The following LARP1B variants were observed in gnomAD, a reference collection of about 807,000 sequenced individuals.
LARP1B encodes La ribonucleoprotein 1B.
LARP1B carries 76 observed loss-of-function variants against 114.2 expected under a neutral mutation model. The observed-to-expected ratio is 0.67, with a 90% confidence interval of 0.55 to 0.81. The LOEUF is 0.81. Ranked by LOEUF, LARP1B falls within the 30% of genes least tolerant of loss-of-function variation. The pLI is 0.00. For missense variants in LARP1B, 1,014 were observed against 1,075.8 expected, an observed-to-expected ratio of 0.94 and a Z score of 0.80; for synonymous variants, 345 against 348.0, an observed-to-expected ratio of 0.99 and a Z score of 0.10.
At chr4:128,206,740 C>T (rs1306221602) in intron 18 of LARP1B, 2 of 985,096 alleles carry the variant, frequency 2.0e-6, no homozygotes, top group South Asian at 4.7e-5. Context: ...TAACTACTCT[C>T]AAGTCTTTCT....
chr4:128,149,637 T>C (rs1377598061), intron 11 of LARP1B, among the ~76,000 whole-genome samples: 1 of 152,152 alleles, frequency 6.6e-6, no homozygotes, highest in African/African-American at 2.4e-5. Context: ...AAGATCAGAT[T>C]TGGAAATGTT....
At chr4:128,061,532 G>A (rs2149228034) in intron 1 of LARP1B, 131 bp downstream of exon 1, 2 of 286,894 alleles carry the variant, frequency 7.0e-6, no homozygotes, top group Non-Finnish European at 1.0e-5. Flanking sequence ...CACGCCGGGC[G>A]CTGCGCGGCC....
chr4:128,155,337 A>G (rs1307327506), intron 11 of LARP1B: 2 of 530,726 alleles, frequency 3.8e-6, no homozygotes, highest in African/African-American at 3.8e-5. Context: ...AAATCTGGAA[A>G]GAGAGTCGGA....
chr4:128,080,038 C>T (rs1769670794), intron 4 of LARP1B, among the ~76,000 whole-genome samples: 1 of 150,062 alleles, frequency 6.7e-6, no homozygotes, highest in South Asian at 2.1e-4. Flanking sequence ...CGCTGGAGTG[C>T]AATGGCGCGA....
intron 1 of LARP1B, among the ~76,000 whole-genome samples, chr4:128,066,939 A>C (rs1444303313): frequency 6.6e-6 from 1 of 151,380 alleles, no homozygotes; most frequent in Non-Finnish European, 1.5e-5. Context: ...CTGGGACTAC[A>C]GGCGCGCGCA....
chr4:128,179,546 G>A (rs772803246), intron 15 of LARP1B, 34 bp downstream of exon 15: 15 of 1,385,788 alleles, frequency 1.1e-5, no homozygotes, highest in East Asian at 2.4e-5. Context: ...TTTTTTGTTC[G>A]TGATTTGAAG....
intron 15 of LARP1B, among the ~76,000 whole-genome samples, chr4:128,192,107 C>A (rs1752488535): frequency 6.6e-6 from 1 of 152,116 alleles, no homozygotes; most frequent in Non-Finnish European, 1.5e-5. Flanking sequence ...AGCCAGATTG[C>A]TTCTACTCTG....
chr4:128,206,835 T>C, intron 18 of LARP1B: 1 of 985,386 alleles, frequency 1.0e-6, no homozygotes, highest in Non-Finnish European at 1.2e-6. Flanking sequence ...CTATGCAACA[T>C]CAGCAGGTAA....
intron 1 of LARP1B, chr4:128,062,283 C>T: frequency 3.0e-6 from 3 of 985,338 alleles, no homozygotes; most frequent in East Asian, 1.1e-4. Context: ...CGGGACTTGC[C>T]GGCGCGTGGC....
At chr4:128,118,333 G>A (rs1175890889) in intron 10 of LARP1B, among the ~76,000 whole-genome samples, 2 of 149,074 alleles carry the variant, frequency 1.3e-5, no homozygotes, top group South Asian at 4.2e-4. Flanking sequence ...CCGGGTTCAT[G>A]CCATTCTCCT....
chr4:128,062,186 C>T (rs1400279861), intron 1 of LARP1B: 2 of 985,278 alleles, frequency 2.0e-6, no homozygotes, highest in Admixed American at 6.1e-5. Flanking sequence ...CACGACAGGT[C>T]CGCCACCGCC....
downstream of LARP1B, among the ~76,000 whole-genome samples, chr4:128,216,610 C>T (rs766988816): frequency 3.1e-3 from 462 of 150,326 alleles, 2 homozygotes; most frequent in South Asian, 5.4e-3. Context: ...AACAAAGACA[C>T]GACATACCAG....
At chr4:128,209,720 C>CAA (rs11293327) in intron 19 of LARP1B, 136 bp from the exon 20 acceptor site, 4 of 492,242 alleles carry the variant, frequency 8.1e-6, no homozygotes, top group Admixed American at 3.7e-5. Flanking sequence ...GAGACTCCAT[C>CAA]AAAAAAAAAA....
intron 9 of LARP1B, chr4:128,108,299 G>T (rs547295730): frequency 1.9e-6 from 2 of 1,027,674 alleles, no homozygotes; most frequent in African/African-American, 3.4e-5. Flanking sequence ...AGGGGATTGA[G>T]TAGCATTTCC....
intron 15 of LARP1B, among the ~76,000 whole-genome samples, chr4:128,195,845 A>C (rs1280241968): frequency 2.0e-5 from 3 of 152,266 alleles, no homozygotes; most frequent in African/African-American, 7.2e-5. Flanking sequence ...AAAATTGACG[A>C]AACTTTAGCT....
At chr4:128,107,581 A>G in intron 9 of LARP1B, 1 of 1,374,834 alleles carries the variant, frequency 7.3e-7, no homozygotes, top group Non-Finnish European at 9.4e-7. Context: ...TCTATCTTTT[A>G]TTTTTACTAA....
intron 11 of LARP1B, among the ~76,000 whole-genome samples, chr4:128,156,863 TAAAA>T (rs56753518): frequency 7.4e-5 from 6 of 80,772 alleles, no homozygotes; most frequent in Non-Finnish European, 1.2e-4. Context: ...GGCTTGAAGC[TAAAA>T]AAAAAAAAAA....
intron 7 of LARP1B, chr4:128,222,230 TTGACCAAG>T (rs1171047846): frequency 2.3e-6 from 1 of 435,842 alleles, no homozygotes; most frequent in African/African-American, 2.0e-5. Context: ...TCTACTGACC[TTGACCAAG>T]TGACAAGAGC....
chr4:128,111,147 A>G (rs1489085711), intron 9 of LARP1B, among the ~76,000 whole-genome samples: 2 of 151,730 alleles, frequency 1.3e-5, no homozygotes, highest in African/African-American at 4.8e-5. Context: ...CCCAGGTTCA[A>G]GCAATTCTCC....
Sources: gnomAD v4.1 joint callset for allele counts (sites outside exome capture counted in the v4.1 genomes callset) on GRCh38, gnomAD v4.1.1 for gene constraint, MANE v1.5 for transcripts, NCBI Gene and HGNC (gene_info 2026-07-23, HGNC 2026-07-21) for gene names.